The following CHRM3 variants were observed in gnomAD, a reference collection of about 807,000 sequenced individuals.
The protein encoded by CHRM3 is cholinergic receptor muscarinic 3.
Under a neutral mutation model 41.8 loss-of-function variants are expected in CHRM3, and 11 were observed. The observed-to-expected ratio is 0.26, with a 90% CI of 0.17 to 0.44. The LOEUF (loss-of-function observed/expected upper bound fraction) is 0.44. CHRM3 is among the 20% of genes least tolerant of loss of function. The pLI, the probability that CHRM3 is intolerant of heterozygous loss-of-function variation, is 1.00. For missense variants in CHRM3, 571 were observed against 745.4 expected (o/e 0.77, Z 2.72); for synonymous variants, 297 against 301.4 (o/e 0.99, Z 0.15).
At chr1:239,533,646 G>C (rs1657886825) in intron 2 of CHRM3, among the ~76,000 whole-genome samples, 1 of 146,374 alleles carries the variant, frequency 6.8e-6, no homozygotes, top group African/African-American at 2.5e-5. Context: ...CAGGAGAATT[G>C]CTGGAACCCA....
At chr1:239,788,479 C>A (rs1018948864) in intron 5 of CHRM3, among the ~76,000 whole-genome samples, 2 of 151,928 alleles carry the variant, frequency 1.3e-5, no homozygotes, top group African/African-American at 2.4e-5. Context: ...AAATGATAAC[C>A]CTGAGGCCAG....
chr1:239,397,451 T>C (rs975437509), intron 1 of CHRM3, among the ~76,000 whole-genome samples: 2 of 151,910 alleles, frequency 1.3e-5, no homozygotes, highest in Non-Finnish European at 2.9e-5. Flanking sequence ...GATGGGTGGA[T>C]CAGGAGGTCA....
At chr1:239,581,980 A>G (rs897382814) in intron 3 of CHRM3, among the ~76,000 whole-genome samples, 1 of 152,254 alleles carries the variant, frequency 6.6e-6, no homozygotes, top group African/African-American at 2.4e-5. Context: ...TGACAATAAC[A>G]TGAAAGAATA....
chr1:239,453,243 T>G (rs966686048), intron 1 of CHRM3, among the ~76,000 whole-genome samples: 5 of 152,224 alleles, frequency 3.3e-5, no homozygotes, highest in Non-Finnish European at 5.9e-5. Flanking sequence ...TCAGTTTTAC[T>G]TCCAGGACAA....
intron 3 of CHRM3, among the ~76,000 whole-genome samples, chr1:239,563,000 G>T (rs1166188336): frequency 6.6e-6 from 1 of 151,622 alleles, no homozygotes; most frequent in African/African-American, 2.4e-5. Context: ...AATTCATCAC[G>T]TATATAGGCA....
chr1:239,670,307 T>A (rs1217382274), intron 4 of CHRM3, among the ~76,000 whole-genome samples: 2 of 152,138 alleles, frequency 1.3e-5, no homozygotes, highest in South Asian at 2.1e-4. Flanking sequence ...GCCCATAGTC[T>A]CTATTTCTTT....
chr1:239,411,517 G>A (rs1313701328), intron 1 of CHRM3, among the ~76,000 whole-genome samples: 2 of 151,786 alleles, frequency 1.3e-5, no homozygotes, highest in African/African-American at 4.8e-5. Context: ...ATGAGGTCAG[G>A]AGTTCAAGAC....
intron 6 of CHRM3, among the ~76,000 whole-genome samples, chr1:239,847,874 C>T (rs7527648): frequency 0.46 from 70,258 of 151,096 alleles, 17,577 homozygotes; most frequent in East Asian, 0.56. Flanking sequence ...GTGATCTCAC[C>T]ACTGCACTCC....
intron 5 of CHRM3, among the ~76,000 whole-genome samples, chr1:239,765,564 A>T (rs1667133208): frequency 6.6e-6 from 1 of 152,176 alleles, no homozygotes; most frequent in African/African-American, 2.4e-5. Context: ...GAATTTCTTG[A>T]TGTTGCTGGT....
At chr1:239,768,250 C>T (rs920874763) in intron 5 of CHRM3, among the ~76,000 whole-genome samples, 1 of 152,142 alleles carries the variant, frequency 6.6e-6, no homozygotes, top group African/African-American at 2.4e-5. Context: ...TAAAGCATAT[C>T]TTAGGATTAG....
At chr1:239,550,123 C>T (rs1379152909) in intron 3 of CHRM3, among the ~76,000 whole-genome samples, 1 of 152,012 alleles carries the variant, frequency 6.6e-6, no homozygotes, top group Non-Finnish European at 1.5e-5. Context: ...TGACCAAGCC[C>T]CACCTAGCAG....
chr1:239,728,167 G>A (rs1663621899), intron 5 of CHRM3, among the ~76,000 whole-genome samples: 1 of 151,848 alleles, frequency 6.6e-6, no homozygotes, highest in Non-Finnish European at 1.5e-5. Context: ...GTTGTTAAGG[G>A]TTTTCTGGAA....
intron 6 of CHRM3, among the ~76,000 whole-genome samples, chr1:239,890,191 C>T (rs112104621): frequency 2.0e-5 from 3 of 152,076 alleles, no homozygotes; most frequent in African/African-American, 4.8e-5. Flanking sequence ...ATTTCAGCTA[C>T]TCGGGAGGCT....
intron 1 of CHRM3, among the ~76,000 whole-genome samples, chr1:239,388,639 T>C (rs1417830860): frequency 6.6e-6 from 1 of 152,200 alleles, no homozygotes; most frequent in Non-Finnish European, 1.5e-5. Context: ...CGTATTGTAG[T>C]GGTAGCACGT....
At chr1:239,498,332 C>T (rs980337053) in intron 2 of CHRM3, among the ~76,000 whole-genome samples, 5 of 152,096 alleles carry the variant, frequency 3.3e-5, no homozygotes, top group Admixed American at 2.6e-4. Context: ...ATGAGTGTTA[C>T]TCACATGCAC....
intron 6 of CHRM3, among the ~76,000 whole-genome samples, chr1:239,857,286 G>A (rs570067110): frequency 6.6e-6 from 1 of 152,268 alleles, no homozygotes; most frequent in African/African-American, 2.4e-5. Flanking sequence ...ATGCCCCATA[G>A]GGAAAGAGCC....
Position 239,590,588 on chromosome 1 carries a change from C to G in CHRM3, c.-312-41636C>G, listed in dbSNP as rs186804583. Among the ~76,000 whole-genome samples the G allele has an allele frequency of 5.9e-5, 9 of 152,016 alleles. No individual in the cohort carries two copies. The South Asian group carries it at 1.9e-3, about 32-fold the overall frequency. On this transcript the variant is annotated intron_variant, in intron 3 of 6. Transcript: ENST00000676153. The stretch of plus-strand genomic sequence containing the variant: ...AAAAAATTAGAGATTAAAAATTTCC[C>G]CTATCCCTCTTCTAGCTTCTCTTAC...
At chr1:239,575,782 G>A (rs1293356899) in intron 3 of CHRM3, among the ~76,000 whole-genome samples, 1 of 151,114 alleles carries the variant, frequency 6.6e-6, no homozygotes, top group Admixed American at 6.6e-5. Context: ...CACACACAGG[G>A]TTATATATAA....
chr1:239,629,875 C>T (rs1669607456), intron 3 of CHRM3, among the ~76,000 whole-genome samples: 1 of 152,146 alleles, frequency 6.6e-6, no homozygotes, highest in Non-Finnish European at 1.5e-5. Context: ...GGACAGCATT[C>T]TCTGGAATTG....
Sources: gnomAD v4.1 joint callset for allele counts (sites outside exome capture counted in the v4.1 genomes callset) on GRCh38, gnomAD v4.1.1 for gene constraint, MANE v1.5 for transcripts, NCBI Gene and HGNC (gene_info 2026-07-23, HGNC 2026-07-21) for gene names.